The following GRM7 variants were observed in gnomAD, a reference collection of about 807,000 sequenced individuals.
GRM7 encodes the protein metabotropic glutamate receptor 7.
GRM7 carries 35 observed loss-of-function variants against 84.5 expected under a neutral mutation model. The ratio of observed to expected loss-of-function variants is 0.41; its 90% confidence interval spans 0.32 to 0.55. GRM7 has a LOEUF of 0.55. GRM7 is among the 20% of genes least tolerant of loss of function. GRM7 has a pLI of 0.19. For missense variants in GRM7, 1,003 were observed against 1,194.6 expected (o/e 0.84, Z 2.36); for synonymous variants, 487 against 455.1 (o/e 1.07, Z -0.89).
intron 4 of GRM7, among the ~76,000 whole-genome samples, chr3:7,317,788 G>T (rs539245659): frequency 6.6e-6 from 1 of 151,838 alleles, no homozygotes; most frequent in East Asian, 1.9e-4. Flanking sequence ...GTGCAAGGTA[G>T]ACAAAAAGAA....
At chr3:6,871,330 A>G (rs1381312472) in intron 1 of GRM7, among the ~76,000 whole-genome samples, 3 of 152,094 alleles carry the variant, frequency 2.0e-5, no homozygotes, top group African/African-American at 7.2e-5. Context: ...ATGCAATAAT[A>G]TACTATTTAT....
chr3:6,964,159 C>T (rs1302187709), intron 1 of GRM7, among the ~76,000 whole-genome samples: 3 of 152,172 alleles, frequency 2.0e-5, no homozygotes, highest in Non-Finnish European at 4.4e-5. Context: ...TGTTAAATAT[C>T]TCTCCTGTCT....
chr3:7,299,686 C>G (rs1699930982), intron 3 of GRM7, among the ~76,000 whole-genome samples: 1 of 152,018 alleles, frequency 6.6e-6, no homozygotes, highest in Non-Finnish European at 1.5e-5. Context: ...CATTCCTGTT[C>G]AGCATTTTAT....
intron 4 of GRM7, among the ~76,000 whole-genome samples, chr3:7,322,294 C>A (rs200026048): frequency 1.3e-5 from 2 of 152,212 alleles, no homozygotes; most frequent in East Asian, 1.9e-4. Context: ...TTGGGTTAAA[C>A]ATTTGCCCAA....
chr3:7,629,589 T>C (rs1425934498), intron 8 of GRM7, among the ~76,000 whole-genome samples: 4 of 152,130 alleles, frequency 2.6e-5, no homozygotes, highest in Non-Finnish European at 4.4e-5. Context: ...TATACGTGCA[T>C]TGGGGGTTAG....
intron 8 of GRM7, among the ~76,000 whole-genome samples, chr3:7,637,917 C>A (rs1011334): frequency 6.6e-6 from 1 of 152,034 alleles, no homozygotes; most frequent in African/African-American, 2.4e-5. Flanking sequence ...ATTCTGACAT[C>A]GATCTCAGCA....
At chr3:7,357,958 A>G (rs893775924) in intron 4 of GRM7, among the ~76,000 whole-genome samples, 2 of 152,132 alleles carry the variant, frequency 1.3e-5, no homozygotes, top group African/African-American at 4.8e-5. Flanking sequence ...AACTCATGTC[A>G]GTTACCTGCC....
chr3:6,898,926 T>G (rs1423156292), intron 1 of GRM7, among the ~76,000 whole-genome samples: 1 of 152,098 alleles, frequency 6.6e-6, no homozygotes, highest in Admixed American at 6.6e-5. Flanking sequence ...CAGTAGAGTA[T>G]GGGCAAGTGG....
At chr3:7,584,398 A>C (rs1695414088) in intron 8 of GRM7, among the ~76,000 whole-genome samples, 1 of 152,214 alleles carries the variant, frequency 6.6e-6, no homozygotes, top group South Asian at 2.1e-4. Flanking sequence ...GTGCCTGTTG[A>C]ATTCTGCATG....
intron 4 of GRM7, among the ~76,000 whole-genome samples, chr3:7,314,284 C>G (rs1204760273): frequency 2.0e-5 from 3 of 152,098 alleles, no homozygotes; most frequent in African/African-American, 7.2e-5. Flanking sequence ...CCTAAGTTAT[C>G]GTATCCACAT....
chr3:7,678,748 C>A (rs557433221), intron 8 of GRM7, among the ~76,000 whole-genome samples: 1 of 152,212 alleles, frequency 6.6e-6, no homozygotes, highest in South Asian at 2.1e-4. Flanking sequence ...TATTTCCAGA[C>A]GAGATGGCAA....
At chr3:7,646,281 T>A (rs1254650757) in intron 8 of GRM7, among the ~76,000 whole-genome samples, 1 of 152,146 alleles carries the variant, frequency 6.6e-6, no homozygotes, top group Non-Finnish European at 1.5e-5. Context: ...AGCCTCTGCC[T>A]CCCAGGTTCA....
At chr3:7,019,050 CTG>C (rs1331689811) in intron 1 of GRM7, among the ~76,000 whole-genome samples, 2 of 152,196 alleles carry the variant, frequency 1.3e-5, no homozygotes, top group Non-Finnish European at 2.9e-5. Context: ...TGAGCTGAGA[CTG>C]TGCCACTGCA....
chr3:7,721,709 C>T (rs1701955722), intron 9 of GRM7, among the ~76,000 whole-genome samples: 1 of 152,212 alleles, frequency 6.6e-6, no homozygotes, highest in Middle Eastern at 3.2e-3. Context: ...CACATCACTA[C>T]AATGAGGTTC....
At chr3:7,084,225 C>T (rs1254162682) in intron 1 of GRM7, among the ~76,000 whole-genome samples, 2 of 152,086 alleles carry the variant, frequency 1.3e-5, no homozygotes. Flanking sequence ...GTAGAGGCAA[C>T]AGGCAATGGT....
intron 7 of GRM7, among the ~76,000 whole-genome samples, chr3:7,559,877 T>A (rs187484908): frequency 6.6e-6 from 1 of 152,250 alleles, no homozygotes; most frequent in African/African-American, 2.4e-5. Context: ...GGCTTGCAGA[T>A]GGCCTCCTTC....
chr3:7,629,712 G>A (rs1051223204), intron 8 of GRM7, among the ~76,000 whole-genome samples: 6 of 152,144 alleles, frequency 3.9e-5, no homozygotes, highest in South Asian at 2.1e-4. Flanking sequence ...AGAGCTTGCC[G>A]TCTAAAACCT....
At chr3:6,906,139 A>T (rs908462480) in intron 1 of GRM7, among the ~76,000 whole-genome samples, 1 of 152,196 alleles carries the variant, frequency 6.6e-6, no homozygotes, top group African/African-American at 2.4e-5. Flanking sequence ...GCAGGGTGAG[A>T]TCTTGTCAGA....
chr3:7,656,537 ATACGCG>A (rs1559468485), intron 8 of GRM7, among the ~76,000 whole-genome samples: 1 of 53,982 alleles, frequency 1.9e-5, no homozygotes, highest in Admixed American at 2.4e-4. Flanking sequence ...ATATATATAT[ATACGCG>A]CGCGCACACA....
Sources: gnomAD v4.1 joint callset for allele counts (sites outside exome capture counted in the v4.1 genomes callset) on GRCh38, gnomAD v4.1.1 for gene constraint, MANE v1.5 for transcripts, NCBI Gene and HGNC (gene_info 2026-07-23, HGNC 2026-07-21) for gene names.